EPHA3: variants seen among roughly 807,000 people sequenced by gnomAD.
The protein encoded by EPHA3 is EPH receptor A3, also known as ephrin type-A receptor 3.
EPHA3 carries 42 observed loss-of-function variants against 107.1 expected under a neutral mutation model. That is an observed-to-expected ratio of 0.39 (90% CI 0.31 to 0.51). EPHA3 has a LOEUF of 0.51. Ranked by LOEUF, EPHA3 falls within the 20% of genes least tolerant of loss-of-function variation. EPHA3 has a pLI of 0.78. For missense variants in EPHA3, 1,183 were observed against 1,211.2 expected (o/e 0.98, Z 0.35); for synonymous variants, 461 against 424.8 (o/e 1.09, Z -1.05).
Position 89,210,520 on chromosome 3 carries a change from G to A in EPHA3, c.814G>A (p.Ala272Thr), listed in dbSNP as rs374955351. The A allele has an allele frequency of 6.5e-7, 1 of 1,529,778 alleles. No individual in the cohort carries two copies. The highest frequency in any genetic ancestry group is 8.8e-7 in the Non-Finnish European group (1 of 1,142,826). 94.8% of individuals were successfully genotyped at this position (1,529,778 alleles called of 1,614,324 possible). ...TGAAGAAAGAGGTTTTATGTGCCAA[G>A]GTAAGAGCCTTCTCTATTTTTCTTT... ...GYEERGFMCQACRPGFYKALD... is the reference protein window; with the variant it reads ...GYEERGFMCQTCRPGFYKALD... Residue 272 changes from alanine to threonine, a missense_variant and splice_region_variant, in exon 3 of 17, where the codon GCT (alanine) becomes ACT (threonine). Ala to Thr is a moderately conservative substitution (Grantham distance 58). Coordinates refer to ENST00000336596, the MANE Select transcript of EPHA3 (RefSeq NM_005233.6).
At chr3:89,237,345 TG>T (rs1437451410) in intron 3 of EPHA3, among the ~76,000 whole-genome samples, 6 of 152,326 alleles carry the variant, frequency 3.9e-5, no homozygotes, top group Admixed American at 3.3e-4. Flanking sequence ...CACCTCAGCC[TG>T]GGTGACAAAG....
intron 2 of EPHA3, among the ~76,000 whole-genome samples, chr3:89,203,085 T>G (rs1706010685): frequency 6.6e-6 from 1 of 152,038 alleles, no homozygotes; most frequent in Admixed American, 6.6e-5. Context: ...TTAGACGCAG[T>G]TTCTAAGGAG....
At chr3:89,370,600 A>G (rs1391016392) in intron 5 of EPHA3, among the ~76,000 whole-genome samples, 4 of 151,974 alleles carry the variant, frequency 2.6e-5, no homozygotes, top group African/African-American at 7.2e-5. Context: ...TGGCACATGT[A>G]TACATATGTA....
intron 5 of EPHA3, among the ~76,000 whole-genome samples, chr3:89,383,639 CTTTTTTTTTTTTTTT>C (rs71621546): frequency 4.5e-5 from 4 of 87,962 alleles, no homozygotes; most frequent in Admixed American, 1.3e-4. Context: ...ACTTCTTCTT[CTTTTTTTTTTTTTTT>C]TTTTTTTTTT....
chr3:89,262,724 A>T (rs1283190077), intron 3 of EPHA3, among the ~76,000 whole-genome samples: 1 of 152,130 alleles, frequency 6.6e-6, no homozygotes, highest in African/African-American at 2.4e-5. Context: ...ACACAGCGGT[A>T]ACTGGAGTCA....
intron 1 of EPHA3, among the ~76,000 whole-genome samples, chr3:89,116,910 C>T (rs1246568965): frequency 6.6e-6 from 1 of 151,958 alleles, no homozygotes; most frequent in Non-Finnish European, 1.5e-5. Context: ...ATTTGTTACT[C>T]ATTTTCCTAT....
intron 2 of EPHA3, among the ~76,000 whole-genome samples, chr3:89,155,488 A>G (rs1704781637): frequency 6.6e-6 from 1 of 152,064 alleles, no homozygotes; most frequent in Non-Finnish European, 1.5e-5. Context: ...TCATATAGAT[A>G]AAAGAGTAAA....
chr3:89,451,399 G>T (rs540237304), intron 15 of EPHA3, among the ~76,000 whole-genome samples: 2 of 152,030 alleles, frequency 1.3e-5, no homozygotes, highest in African/African-American at 4.8e-5. Flanking sequence ...TAAAGGCAAA[G>T]ATATCTTGTT....
chr3:89,192,780 G>A lies in EPHA3; in HGVS notation c.154-17080G>A, dbSNP rs574372063. Reference sequence around the variant, plus strand: ...GTGTCATAAAGCTCTAGAAGCTGAAGAATTCTCTGGAGACATGTAATATTA... The same window carrying A: ...GTGTCATAAAGCTCTAGAAGCTGAAAAATTCTCTGGAGACATGTAATATTA... On this transcript the variant is annotated intron_variant, in intron 2 of 16. Transcript: ENST00000336596. Among the ~76,000 whole-genome samples the A allele has an allele frequency of 5.3e-5, 8 of 152,122 alleles. No individual in the cohort carries two copies. The East Asian group carries it at 1.5e-3, about 29-fold the overall frequency.
intron 2 of EPHA3, among the ~76,000 whole-genome samples, chr3:89,198,016 A>C (rs1705887033): frequency 1.3e-5 from 2 of 152,108 alleles, no homozygotes; most frequent in South Asian, 4.1e-4. Context: ...AAAGCAGCCA[A>C]ATATTCAGTT....
chr3:89,176,805 A>G (rs1705328982), intron 2 of EPHA3, among the ~76,000 whole-genome samples: 1 of 152,344 alleles, frequency 6.6e-6, no homozygotes, highest in South Asian at 2.1e-4. Flanking sequence ...TCTGTAATAT[A>G]CCATAGGAAA....
chr3:89,265,870 G>C (rs749741799), intron 3 of EPHA3, among the ~76,000 whole-genome samples: 7 of 151,988 alleles, frequency 4.6e-5, no homozygotes, highest in Non-Finnish European at 1.0e-4. Context: ...CTCTGCCTTT[G>C]GGGAATGTGA....
intron 3 of EPHA3, among the ~76,000 whole-genome samples, chr3:89,331,829 G>A (rs1266808699): frequency 1.3e-5 from 2 of 152,186 alleles, no homozygotes; most frequent in East Asian, 3.9e-4. Context: ...GTATTCAGAT[G>A]TAGTAGTGAT....
intron 3 of EPHA3, among the ~76,000 whole-genome samples, chr3:89,308,551 GTAGA>G (rs1559641393): frequency 6.6e-6 from 1 of 151,788 alleles, no homozygotes. Flanking sequence ...CACAAGTTAG[GTAGA>G]AACAACTAAA....
chr3:89,352,052 T>C (rs1233305388), intron 5 of EPHA3, among the ~76,000 whole-genome samples: 1 of 151,164 alleles, frequency 6.6e-6, no homozygotes, highest in Non-Finnish European at 1.5e-5. Flanking sequence ...CAAATTATGA[T>C]ATTTAAAAGA....
chr3:89,437,497 C>A (rs1709696189), intron 13 of EPHA3, among the ~76,000 whole-genome samples: 1 of 151,748 alleles, frequency 6.6e-6, no homozygotes, highest in African/African-American at 2.4e-5. Context: ...ATAATTATAA[C>A]ATGTTTGTTA....
intron 3 of EPHA3, among the ~76,000 whole-genome samples, chr3:89,332,994 A>G: frequency 6.6e-6 from 1 of 152,188 alleles, no homozygotes; most frequent in African/African-American, 2.4e-5. Context: ...TTTCAACAGT[A>G]GCCACCATGG....
chr3:89,336,108 G>A (rs1381428808), intron 3 of EPHA3, among the ~76,000 whole-genome samples: 1 of 151,820 alleles, frequency 6.6e-6, no homozygotes, highest in Non-Finnish European at 1.5e-5. Flanking sequence ...AAGTTGACTG[G>A]GACTTATTTT....
At chr3:89,331,922 C>G (rs921250679) in intron 3 of EPHA3, among the ~76,000 whole-genome samples, 11 of 152,060 alleles carry the variant, frequency 7.2e-5, no homozygotes, top group African/African-American at 2.7e-4. Flanking sequence ...AACAAACAAG[C>G]AAACAAAACA....
Sources: allele counts gnomAD v4.1 joint callset (sites outside exome capture counted in the v4.1 genomes callset), GRCh38; gene constraint gnomAD v4.1.1; transcripts MANE v1.5; gene names NCBI Gene and HGNC (gene_info 2026-07-23, HGNC 2026-07-21).